Variants in ASB4 observed in about 807,000 individuals in gnomAD.
ASB4 encodes the protein ankyrin repeat and SOCS box containing 4.
ASB4 carries 35 observed loss-of-function variants against 38.6 expected under a neutral mutation model. The ratio of observed to expected loss-of-function variants is 0.91; its 90% CI spans 0.69 to 1.20. The LOEUF is 1.20. ASB4 is among the 50% of genes most tolerant of loss of function. The pLI is 0.00. For synonymous variants in ASB4, 195 were observed against 201.3 expected, an observed-to-expected ratio of 0.97 and a Z score of 0.26; for missense variants, 557 against 527.2, an observed-to-expected ratio of 1.06 and a Z score of -0.55.
chr7:95,509,634 T>C (rs1790454458), intron 2 of ASB4, among the ~76,000 whole-genome samples: 2 of 152,160 alleles, frequency 1.3e-5, no homozygotes, highest in Non-Finnish European at 2.9e-5. Context: ...TAATGGAAAA[T>C]CTAGCTTAAT....
intron 4 of ASB4, among the ~76,000 whole-genome samples, 188 bp from the exon 5 acceptor site, chr7:95,537,383 C>T (rs1227171315): frequency 2.0e-5 from 3 of 151,988 alleles, no homozygotes; most frequent in East Asian, 1.9e-4. Flanking sequence ...ATGTTATTTC[C>T]CCTCCCCTTT....
chr7:95,531,581 A>G (rs1790820340), intron 3 of ASB4, among the ~76,000 whole-genome samples: 1 of 152,238 alleles, frequency 6.6e-6, no homozygotes, highest in African/African-American at 2.4e-5. Context: ...AATGATGGCT[A>G]TGACTATTAC....
intron 1 of ASB4, 56 bp downstream of exon 1, chr7:95,486,214 A>C: frequency 7.0e-7 from 1 of 1,419,454 alleles, no homozygotes; most frequent in Non-Finnish European, 9.8e-7. Flanking sequence ...AAAAAAATGC[A>C]CAGTGTCAGT....
At chr7:95,541,984 T>C (rs1790976322), downstream of ASB4, among the ~76,000 whole-genome samples, 1 of 152,244 alleles carries the variant, frequency 6.6e-6, no homozygotes, top group Non-Finnish European at 1.5e-5. Context: ...GGAAAATCAC[T>C]TGAGCCCACG....
intron 2 of ASB4, among the ~76,000 whole-genome samples, chr7:95,497,883 G>A (rs1184757189): frequency 1.3e-5 from 2 of 152,150 alleles, no homozygotes; most frequent in African/African-American, 4.8e-5. Context: ...TTATTGCTGA[G>A]TAGTATTCCA....
In ASB4 at chr7:95,537,735, A is replaced by G. The variant is rs752274771; in HGVS notation, c.1257A>G (p.Leu419=). The G allele has an allele frequency of 6.2e-7, 1 of 1,613,808 alleles. No homozygotes were observed. The highest frequency in any genetic ancestry group is 8.5e-7 in the Non-Finnish European group (1 of 1,179,784). Residue 419 remains leucine (L), a synonymous_variant, in exon 5 of 5, where the codon TTA becomes TTG. Transcript: ENST00000325885. ...TGTCATTGAAAAAGTACTTGCTTTTAGAGCCAGAGGGAATTATTTATTAAG... is the reference window on the plus strand; with the variant it reads ...TGTCATTGAAAAAGTACTTGCTTTTGGAGCCAGAGGGAATTATTTATTAAG... ...LPLSLKKYLL[L]EPEGIIY
chr7:95,508,949 G>C (rs1045965891), intron 2 of ASB4, among the ~76,000 whole-genome samples: 2 of 152,176 alleles, frequency 1.3e-5, no homozygotes. Flanking sequence ...TCTGGAGACA[G>C]ATAAATTTCA....
the ASB4 span, among the ~76,000 whole-genome samples, chr7:95,548,131 A>T: frequency 9.9e-5 from 15 of 152,230 alleles, 1 homozygote; most frequent in Non-Finnish European, 1.5e-5. Flanking sequence ...TAATTTTACA[A>T]GAAAGTACCA....
At chr7:95,504,886 G>T (rs1056847683) in intron 2 of ASB4, among the ~76,000 whole-genome samples, 30 of 152,144 alleles carry the variant, frequency 2.0e-4, no homozygotes, top group African/African-American at 6.8e-4. Flanking sequence ...AAATGAGTTT[G>T]CAGTCCCTAT....
At chr7:95,479,704 CTATG>C (rs1417790921) in intron 1 of ASB4, among the ~76,000 whole-genome samples, 1 of 152,174 alleles carries the variant, frequency 6.6e-6, no homozygotes, top group East Asian at 1.9e-4. Flanking sequence ...GGAGAACCTA[CTATG>C]TATCAGGCCT....
chr7:95,479,772 A>AC (rs746185282), intron 1 of ASB4, among the ~76,000 whole-genome samples: 57 of 152,312 alleles, frequency 3.7e-4, no homozygotes, highest in Admixed American at 5.9e-4. Flanking sequence ...AGAGAATTGG[A>AC]CTTGGGTTCA....
At chr7:95,546,739 G>A in the ASB4 span, among the ~76,000 whole-genome samples, 8 of 152,232 alleles carry the variant, frequency 5.3e-5, no homozygotes, top group Admixed American at 2.6e-4. Flanking sequence ...TCTTGGTCTC[G>A]AATTGTATAA....
At chr7:95,492,052 G>A (rs189188677) in intron 1 of ASB4, among the ~76,000 whole-genome samples, 2 of 152,268 alleles carry the variant, frequency 1.3e-5, no homozygotes, top group African/African-American at 4.8e-5. Context: ...CTCCCCAGAG[G>A]CAGCAGCTAA....
intron 3 of ASB4, among the ~76,000 whole-genome samples, chr7:95,533,458 C>A (rs2116653984): frequency 6.6e-6 from 1 of 152,272 alleles, no homozygotes; most frequent in South Asian, 2.1e-4. Flanking sequence ...TTTATTTATC[C>A]CCCACAATCT....
rs540009396 is a variant in ASB4 at position 95,519,959 on chromosome 7, A to G, written c.488-7854A>G. ...GATGTTTTCTTTTTGAATATGAACA[A>G]TGTTTCAAAACAGAGTAGAATAAAA... is the stretch of plus-strand genomic sequence containing the variant. On this transcript the variant is annotated intron_variant, in intron 2 of 4. Coordinates refer to ENST00000325885, the MANE Select transcript of ASB4 (RefSeq NM_016116.3). Among the ~76,000 whole-genome samples, 10 of 152,296 alleles carry G rather than the reference A, an allele frequency of 6.6e-5. No homozygotes were observed. The South Asian group carries it at 2.1e-3, about 32-fold the overall frequency.
chr7:95,479,558 T>C (rs1184396202), intron 1 of ASB4, among the ~76,000 whole-genome samples: 3 of 152,208 alleles, frequency 2.0e-5, no homozygotes, highest in Non-Finnish European at 4.4e-5. Context: ...ATCATTGAAA[T>C]CCTAATGTGG....
chr7:95,536,729 G>A (rs1790895100), intron 4 of ASB4, among the ~76,000 whole-genome samples, 179 bp downstream of exon 4: 5 of 152,184 alleles, frequency 3.3e-5, no homozygotes, highest in Admixed American at 3.3e-4. Flanking sequence ...CATCAAATAT[G>A]TGGCATTAAG....
intron 2 of ASB4, among the ~76,000 whole-genome samples, chr7:95,521,782 C>A (rs1790665957): frequency 6.8e-6 from 1 of 147,206 alleles, no homozygotes. Flanking sequence ...TTTTAAAACA[C>A]AAAATAATAG....
intron 2 of ASB4, among the ~76,000 whole-genome samples, chr7:95,506,555 T>G (rs1585804556): frequency 6.6e-6 from 1 of 152,198 alleles, no homozygotes; most frequent in East Asian, 1.9e-4. Context: ...CATAAACATT[T>G]TCTTTTAGCA....
Sources: allele counts gnomAD v4.1 joint callset (sites outside exome capture counted in the v4.1 genomes callset), GRCh38; gene constraint gnomAD v4.1.1; transcripts MANE v1.5; gene names NCBI Gene and HGNC (gene_info 2026-07-23, HGNC 2026-07-21).